NYAP2: variants seen among roughly 807,000 people sequenced by gnomAD.
NYAP2 encodes the protein neuronal tyrosine-phosphorylated phosphoinositide-3-kinase adapter 2.
In NYAP2, 23 loss-of-function variants were observed where a neutral mutation model predicts 50.4. The ratio of observed to expected loss-of-function variants is 0.46; its 90% CI spans 0.33 to 0.65. NYAP2 has a LOEUF of 0.65. Ranked by LOEUF, NYAP2 falls within the 30% of genes least tolerant of loss-of-function variation. The pLI is 0.02. For missense variants in NYAP2, 885 were observed against 861.0 expected, an observed-to-expected ratio of 1.03 and a Z score of -0.35; for synonymous variants, 394 against 365.2, an observed-to-expected ratio of 1.08 and a Z score of -0.90.
At chr2:225,669,357 C>T in the NYAP2 span, among the ~76,000 whole-genome samples, 1 of 152,092 alleles carries the variant, frequency 6.6e-6, no homozygotes, top group African/African-American at 2.4e-5. Flanking sequence ...CACGTCTCTA[C>T]CTACTACAAA....
chr2:225,543,637 A>G (rs1363207192), intron 4 of NYAP2, among the ~76,000 whole-genome samples: 2 of 151,972 alleles, frequency 1.3e-5, no homozygotes, highest in East Asian at 3.9e-4. Flanking sequence ...GCTAGATATT[A>G]TTTCAATTTT....
chr2:225,692,069 G>A, the NYAP2 span, among the ~76,000 whole-genome samples: 1 of 152,088 alleles, frequency 6.6e-6, no homozygotes, highest in Non-Finnish European at 1.5e-5. Flanking sequence ...AAGACTCCTA[G>A]ATGAAATTAA....
chr2:225,438,388 T>A (rs752909861), intron 3 of NYAP2, among the ~76,000 whole-genome samples: 17 of 152,198 alleles, frequency 1.1e-4, no homozygotes, highest in African/African-American at 9.6e-5. Context: ...GATAGACACA[T>A]CCTGCCATTC....
chr2:225,680,885 G>A, the NYAP2 span, among the ~76,000 whole-genome samples: 33 of 152,134 alleles, frequency 2.2e-4, no homozygotes, highest in African/African-American at 7.7e-4. Flanking sequence ...AAGGTATGAT[G>A]TATACTATTG....
chr2:225,489,767 C>T (rs1433523598), intron 3 of NYAP2, among the ~76,000 whole-genome samples: 1 of 152,168 alleles, frequency 6.6e-6, no homozygotes, highest in Non-Finnish European at 1.5e-5. Context: ...CAACCCTTAA[C>T]TGGCAAATAT....
chr2:225,413,055 G>C (rs1695072889), intron 3 of NYAP2, among the ~76,000 whole-genome samples: 1 of 152,136 alleles, frequency 6.6e-6, no homozygotes, highest in Non-Finnish European at 1.5e-5. Context: ...GAAAAATGTA[G>C]TATGTGTCTT....
chr2:225,427,235 A>G (rs978472126), intron 3 of NYAP2, among the ~76,000 whole-genome samples: 1 of 152,304 alleles, frequency 6.6e-6, no homozygotes, highest in South Asian at 2.1e-4. Flanking sequence ...TACCTCAAAT[A>G]GTCACCCTCC....
rs371348011 is a variant in NYAP2, at chr2:225,538,616, T to C, written c.523+24944T>C. 5.9e-5 allele frequency among the ~76,000 whole-genome samples: 9 copies of C among 152,306 alleles called. No individual in the cohort carries two copies. In the East Asian group the frequency reaches 1.7e-3, roughly 29 times the overall value. ...TTTTCCTCCTAGGCCTCTAGGCTTG[T>C]AATGGGAGAGGTTGCTGTGAAGACC... On this transcript the variant is annotated intron_variant, in intron 4 of 6. Coordinates refer to ENST00000636099, the Ensembl canonical transcript of NYAP2.
intron 3 of NYAP2, among the ~76,000 whole-genome samples, chr2:225,487,066 A>G: frequency 6.6e-6 from 1 of 152,214 alleles, no homozygotes; most frequent in East Asian, 1.9e-4. Flanking sequence ...CCTCCAGTTT[A>G]GATTCTCTTG....
At chr2:225,650,697 A>G (rs1243799726) in intron 6 of NYAP2, among the ~76,000 whole-genome samples, 2 of 152,168 alleles carry the variant, frequency 1.3e-5, no homozygotes, top group Non-Finnish European at 2.9e-5. Context: ...TCTTTCTATG[A>G]CTTGTTTTTC....
chr2:225,557,563 A>G (rs1213305062), intron 4 of NYAP2, among the ~76,000 whole-genome samples: 1 of 152,170 alleles, frequency 6.6e-6, no homozygotes, highest in South Asian at 2.1e-4. Context: ...AATAAATGGA[A>G]ATAGGGAAAT....
At chr2:225,587,946 G>A (rs7608724) in intron 5 of NYAP2, among the ~76,000 whole-genome samples, 144,916 of 152,066 alleles carry the variant, frequency 0.95, 69,151 homozygotes, top group Middle Eastern at 0.99. Context: ...TTTTTTTTAG[G>A]CGGATTCTTG....
At chr2:225,671,668 A>C in the NYAP2 span, among the ~76,000 whole-genome samples, 1 of 152,108 alleles carries the variant, frequency 6.6e-6, no homozygotes, top group Non-Finnish European at 1.5e-5. Context: ...AGAAGTTTTT[A>C]AGTTACTTTT....
Position 225,573,408 on chromosome 2 carries a change from C to T in NYAP2, c.524-8533C>T, listed in dbSNP as rs138134893. 1.4e-3 allele frequency among the ~76,000 whole-genome samples: 217 copies of T among 152,002 alleles called. 2 individuals are homozygous for T. The highest frequency in any genetic ancestry group is 5.1e-3 in the African/African-American group (210 of 41,466). On this transcript the variant is annotated intron_variant, in intron 4 of 6. Coordinates refer to ENST00000636099, the Ensembl canonical transcript of NYAP2. ...CTGGGATTACAGGTGCCTGCCACCA[C>T]GCTGGGCTAATTTTTGTATTTTTAG...
the NYAP2 span, among the ~76,000 whole-genome samples, chr2:225,685,221 C>T: frequency 2.6e-5 from 4 of 152,108 alleles, no homozygotes; most frequent in Non-Finnish European, 5.9e-5. Context: ...GCTGGATAAA[C>T]CACATGTTTA....
chr2:225,649,040 A>G (rs1365329708), intron 6 of NYAP2, among the ~76,000 whole-genome samples: 2 of 152,172 alleles, frequency 1.3e-5, no homozygotes, highest in African/African-American at 4.8e-5. Context: ...TGGTTTCATT[A>G]AAAGTAGCAG....
chr2:225,622,545 CTTTCTTTCTTTCTT>C (rs768601899), intron 5 of NYAP2, among the ~76,000 whole-genome samples: 14,417 of 64,390 alleles, frequency 0.22, 1,208 homozygotes, highest in Admixed American at 0.31. Context: ...TTCTTTCTTT[CTTTCTTTCTTTCTT>C]TTTCTTTCTT....
intron 4 of NYAP2, 26 bp downstream of exon 4, chr2:225,513,698 C>T (rs1690876031): frequency 1.3e-6 from 2 of 1,482,468 alleles, no homozygotes; most frequent in African/African-American, 1.4e-5. Context: ...TCCATGTCAC[C>T]TAGAAATCTC....
intron 2 of NYAP2, among the ~76,000 whole-genome samples, chr2:225,406,371 A>C (rs1694939248): frequency 1.3e-5 from 2 of 152,008 alleles, no homozygotes; most frequent in African/African-American, 4.8e-5. Flanking sequence ...GTTGAAAAAT[A>C]TTTCTTGTTC....
Sources: gnomAD v4.1 joint callset for allele counts (sites outside exome capture counted in the v4.1 genomes callset) on GRCh38, gnomAD v4.1.1 for gene constraint, MANE v1.5 for transcripts, NCBI Gene and HGNC (gene_info 2026-07-23, HGNC 2026-07-21) for gene names.